Variants in ZNF451 observed in about 807,000 individuals in gnomAD.
The protein encoded by ZNF451 is zinc finger protein 451.
A neutral mutation model predicts 107.1 loss-of-function variants in ZNF451; 80 were observed. That is an observed-to-expected ratio of 0.75 (90% CI 0.62 to 0.90). The LOEUF (loss-of-function observed/expected upper bound fraction) is 0.90, where lower values mean the gene tolerates loss of function less well. ZNF451 is among the 40% of genes least tolerant of loss of function. The pLI is 0.00. For synonymous variants in ZNF451, 362 were observed against 406.5 expected (o/e 0.89, Z 1.32); for missense variants, 1,107 against 1,236.2 (o/e 0.90, Z 1.57).
At chr6:57,107,947 T>A in intron 3 of ZNF451, 1 of 559,264 alleles carries the variant, frequency 1.8e-6, no homozygotes, top group Non-Finnish European at 2.3e-6. Context: ...CACGCCATTC[T>A]CCTGCCTAAG....
rs531971505 is a variant in ZNF451 at position 57,154,271 on chromosome 6, C to G, written c.3070+224C>G. The stretch of plus-strand genomic sequence containing the variant: ...ATAATTTTCTGGAGCTTTTTTTGAT[C>G]TAGTAGATAAAATCTATATTGATGT... On this transcript the variant is annotated intron_variant, in intron 13 of 14. Coordinates refer to ENST00000370706, the MANE Select transcript of ZNF451 (RefSeq NM_001031623.3). The G allele has an allele frequency of 4.2e-4, 249 of 598,762 alleles. 8 individuals are homozygous for G. In the South Asian group the frequency reaches 4.9e-3, roughly 12 times the overall value. 37.1% of individuals were successfully genotyped at this position (598,762 alleles called of 1,614,324 possible). A position where few individuals can be genotyped will look rare whatever the true frequency, so the allele number is the denominator to read the frequency against.
At chr6:57,116,101 G>A (rs1830354092) in intron 3 of ZNF451, 2 of 152,112 alleles carry the variant, frequency 1.3e-5, no homozygotes, top group South Asian at 2.1e-4. Flanking sequence ...TGTGGGAGAT[G>A]GCAAATCCAG....
chr6:57,104,499 A>G, intron 3 of ZNF451: 1 of 985,382 alleles, frequency 1.0e-6, no homozygotes, highest in Non-Finnish European at 1.2e-6. Context: ...TTCAAACCTT[A>G]AACTAAACCG....
chr6:57,109,060 AC>A (rs1333404736), intron 3 of ZNF451: 3 of 985,138 alleles, frequency 3.0e-6, no homozygotes, highest in Non-Finnish European at 3.6e-6. Flanking sequence ...CTTTACTGTC[AC>A]CCCACTAGTA....
intron 14 of ZNF451, among the ~76,000 whole-genome samples, chr6:57,167,173 GTA>G (rs137939383): frequency 2.6e-4 from 39 of 150,924 alleles, no homozygotes; most frequent in East Asian, 9.8e-4. Flanking sequence ...TTGTGATTTC[GTA>G]TATATATACA....
chr6:57,115,780 G>A (rs544650731), intron 3 of ZNF451, among the ~76,000 whole-genome samples: 21 of 152,202 alleles, frequency 1.4e-4, no homozygotes, highest in African/African-American at 5.1e-4. Context: ...AGGCTTTCCT[G>A]TGCTTCTCCC....
chr6:57,106,365 A>G (rs1157923618), intron 3 of ZNF451: 1 of 922,310 alleles, frequency 1.1e-6, no homozygotes, highest in Non-Finnish European at 1.3e-6. Context: ...GCTGGAGTGC[A>G]ATGGCACGAT....
At chr6:57,101,250 T>G in intron 3 of ZNF451, 1 of 1,551,114 alleles carries the variant, frequency 6.4e-7, no homozygotes, top group African/African-American at 1.4e-5. Flanking sequence ...CATTACAATC[T>G]GAAGCGGAGT....
chr6:57,141,830 C>A, intron 8 of ZNF451, 118 bp from the exon 9 acceptor site: 1 of 892,498 alleles, frequency 1.1e-6, no homozygotes, highest in Non-Finnish European at 1.6e-6. Context: ...TTTTTATTGC[C>A]AAAATAACTG....
At chr6:57,105,770 A>T (rs1312296690) in intron 3 of ZNF451, 23 of 984,994 alleles carry the variant, frequency 2.3e-5, no homozygotes, top group Non-Finnish European at 2.3e-5. Context: ...TGATAAGTGG[A>T]TGTGTTTACT....
chr6:57,121,710 CACT>C (rs1830647185), intron 3 of ZNF451, among the ~76,000 whole-genome samples: 1 of 152,096 alleles, frequency 6.6e-6, no homozygotes, highest in South Asian at 2.1e-4. Context: ...AACTATAAAA[CACT>C]GCTGAAAGAA....
In ZNF451 at chr6:57,169,240, T is replaced by A. The variant is rs1229621795; in HGVS notation, c.*771T>A. 2.0e-5 allele frequency: 3 copies of A among 152,174 alleles called. No individual in the cohort carries two copies. The highest frequency in any genetic ancestry group is 7.2e-5 in the African/African-American group (3 of 41,458). 9.4% of individuals were successfully genotyped at this position (152,174 alleles called of 1,614,324 possible). A position where few individuals can be genotyped will look rare whatever the true frequency, so the allele number is the denominator to read the frequency against. ...TTTTTCATAACAGTCCTTTTTTATATATTGGTGTAAACATAATATTCTTCA... is the reference window on the plus strand; with the variant it reads ...TTTTTCATAACAGTCCTTTTTTATAAATTGGTGTAAACATAATATTCTTCA... On this transcript the variant is annotated 3_prime_UTR_variant, in exon 15 of 15. Transcript: ENST00000370706.
At chr6:57,108,234 T>C in intron 3 of ZNF451, 1 of 985,438 alleles carries the variant, frequency 1.0e-6, no homozygotes, top group Non-Finnish European at 1.2e-6. Context: ...AACTTTCATA[T>C]GCTATCTTTG....
In ZNF451 at chr6:57,168,438, A is replaced by G; in HGVS notation, c.3155A>G (p.Glu1052Gly). Residue 1052 changes from glutamate (E) to glycine (G), a missense_variant, in exon 15 of 15, where the codon GAA becomes GGA. Coordinates refer to ENST00000370706, the MANE Select transcript of ZNF451 (RefSeq NM_001031623.3). ...TTTAATGCAGATGTGGAATTAGAAG[A>G]AGCTATTAGAAGAAGTCTTGAGGAA... The part of the protein sequence containing the change: ...FISTEDVELE[E>G]AIRRSLEEM 1 of 1,608,032 alleles carries G rather than the reference A, an allele frequency of 6.2e-7. No individual in the cohort carries two copies. Among genetic ancestry groups the G allele is most frequent in the Non-Finnish European group, 8.5e-7 (1 of 1,176,834 alleles).
chr6:57,140,211 G>A (rs1831683399), intron 7 of ZNF451, among the ~76,000 whole-genome samples: 1 of 152,018 alleles, frequency 6.6e-6, no homozygotes, highest in South Asian at 2.1e-4. Flanking sequence ...ACACATCTGG[G>A]TAGCCAAAAA....
intron 13 of ZNF451, chr6:57,158,669 A>C (rs1763537742): frequency 2.0e-6 from 2 of 985,440 alleles, no homozygotes; most frequent in Non-Finnish European, 2.4e-6. Context: ...TCCAGGGCAC[A>C]CAGAAGTTAG....
At position 57,147,218 on chromosome 6, in the gene ZNF451, A is replaced by C; in HGVS notation, c.1133A>C (p.Gln378Pro). The change falls in exon 10 of 15, where the codon CAA (glutamine) becomes CCA (proline). Residue 378 changes from glutamine (Q) to proline (P), a missense_variant. Physicochemically the swap from Gln to Pro is moderately conservative, Grantham distance 76. Transcript: ENST00000370706. ...NQVFVDETST[Q>P]NHKQNSGHKV... Reference sequence around the variant, plus strand: ...GTCTTTGTGGATGAAACCAGCACCCAAAATCATAAGCAGAATTCAGGACAC... The same window carrying C: ...GTCTTTGTGGATGAAACCAGCACCCCAAATCATAAGCAGAATTCAGGACAC... 6.2e-7 allele frequency: 1 copy of C among 1,614,112 alleles called. No individual in the cohort carries two copies. Among genetic ancestry groups the C allele is most frequent in the Non-Finnish European group, 8.5e-7 (1 of 1,179,968 alleles).
At chr6:57,100,840 A>G (rs1247777416) in intron 3 of ZNF451, 1 of 1,547,816 alleles carries the variant, frequency 6.5e-7, no homozygotes, top group Non-Finnish European at 8.7e-7. Flanking sequence ...ATCATCACAG[A>G]ATTTTCAGAC....
At chr6:57,119,297 C>T (rs553746289) in intron 3 of ZNF451, among the ~76,000 whole-genome samples, 102 of 152,192 alleles carry the variant, frequency 6.7e-4, no homozygotes, top group African/African-American at 2.2e-3. Context: ...GAGGCCAAGG[C>T]GGGCAGATCA....
Sources: gnomAD v4.1 joint callset for allele counts (sites outside exome capture counted in the v4.1 genomes callset) on GRCh38, gnomAD v4.1.1 for gene constraint, MANE v1.5 for transcripts, NCBI Gene and HGNC (gene_info 2026-07-23, HGNC 2026-07-21) for gene names.